The following CLDN14 variants were observed in gnomAD, a reference collection of about 807,000 sequenced individuals.
CLDN14 encodes the protein claudin 14, also known as claudin-14.
A neutral mutation model predicts 2.1 loss-of-function variants in CLDN14; 2 were observed. That is an observed-to-expected ratio of 0.96 (90% CI 0.39 to 3.01). The LOEUF (loss-of-function observed/expected upper bound fraction) is 3.01. Ranked by LOEUF, CLDN14 falls within the 30% of genes most tolerant of loss-of-function variation. The pLI is 0.09. For missense variants in CLDN14, 298 were observed against 328.0 expected (o/e 0.91, Z 0.71); for synonymous variants, 136 against 154.4 (o/e 0.88, Z 0.88).
At chr21:36,486,525 C>G in intron 2 of CLDN14, 1 of 1,564,670 alleles carries the variant, frequency 6.4e-7, no homozygotes, top group Non-Finnish European at 8.8e-7. Context: ...ATGGCACCCC[C>G]TTCCCCAGCC....
At chr21:36,484,391 G>A (rs927322383), upstream of CLDN14, among the ~76,000 whole-genome samples, 4 of 152,110 alleles carry the variant, frequency 2.6e-5, no homozygotes, top group Non-Finnish European at 5.9e-5. Context: ...TGGTGTTTTG[G>A]TGCTGCTGTA....
intron 1 of CLDN14, among the ~76,000 whole-genome samples, chr21:36,476,971 C>T (rs1005379715): frequency 5.9e-5 from 9 of 152,224 alleles, no homozygotes; most frequent in African/African-American, 1.9e-4. Flanking sequence ...TGTGGCTTAG[C>T]CTTTAGACAT....
In CLDN14 at chr21:36,461,135, G is replaced by A. The variant is rs771486433; in HGVS notation, c.561C>T (p.Asp187=). The A allele has an allele frequency of 8.1e-6, 13 of 1,613,852 alleles. No individual in the cohort carries two copies. The highest frequency in any genetic ancestry group is 1.6e-4 in the Middle Eastern group (1 of 6,082). The part of the protein sequence containing the change: ...GGTLLCLSCQ[D]EAPYRPYQAP... Reference sequence around the variant, plus strand: ...CCTGGTAGGGCCTGTAGGGTGCCTCGTCCTGGCAGGACAGGCAAAGCAGGG... The same window carrying A: ...CCTGGTAGGGCCTGTAGGGTGCCTCATCCTGGCAGGACAGGCAAAGCAGGG... Residue 187 remains aspartate (D), a synonymous_variant, in exon 2 of 2, where the codon GAC becomes GAT. Transcript: ENST00000399135.
At chr21:36,462,464 G>A (rs940045350) in intron 1 of CLDN14, among the ~76,000 whole-genome samples, 4 of 152,158 alleles carry the variant, frequency 2.6e-5, no homozygotes, top group Admixed American at 1.3e-4. Flanking sequence ...GCTTGTGACT[G>A]GTGAGGGCTG....
chr21:36,488,220 C>T (rs116421037), intron 2 of CLDN14, among the ~76,000 whole-genome samples: 79 of 97,296 alleles, frequency 8.1e-4, no homozygotes, highest in African/African-American at 3.0e-3. Context: ...ACTGTGATTC[C>T]CCTTCCTTCC....
intron 1 of CLDN14, among the ~76,000 whole-genome samples, chr21:36,568,146 C>G (rs2087685936): frequency 6.6e-6 from 1 of 152,092 alleles, no homozygotes. Context: ...GCCAGCTTGA[C>G]CAGGCAGAAA....
intron 1 of CLDN14, among the ~76,000 whole-genome samples, chr21:36,474,675 G>A (rs1484345456): frequency 6.6e-6 from 1 of 152,140 alleles, no homozygotes; most frequent in Admixed American, 6.5e-5. Flanking sequence ...CTCTGCCAGT[G>A]GGATGTGTAG....
At chr21:36,532,147 C>T (rs2146502273) in intron 1 of CLDN14, 1 of 152,284 alleles carries the variant, frequency 6.6e-6, no homozygotes, top group Non-Finnish European at 1.5e-5. Flanking sequence ...CCGAGTGTGG[C>T]ATGCTAGCAG....
At chr21:36,466,007 C>T (rs990873421) in intron 1 of CLDN14, among the ~76,000 whole-genome samples, 14 of 152,112 alleles carry the variant, frequency 9.2e-5, no homozygotes, top group Non-Finnish European at 1.9e-4. Context: ...AGTTTCCCAA[C>T]GACAGCATCT....
chr21:36,547,312 T>A (rs62230972), intron 1 of CLDN14, among the ~76,000 whole-genome samples: 21,467 of 152,216 alleles, frequency 0.14, 1,785 homozygotes, highest in Non-Finnish European at 0.19. Context: ...TCCCCATTTG[T>A]GTCTTTTATA....
intron 1 of CLDN14, among the ~76,000 whole-genome samples, chr21:36,511,221 G>GT: frequency 6.6e-6 from 1 of 152,164 alleles, no homozygotes; most frequent in Non-Finnish European, 1.5e-5. Flanking sequence ...AAATGTTTGT[G>GT]TTTTTTTCTA....
rs143817787 is a variant in CLDN14, at chr21:36,486,155, T to C, written c.-82+24208A>G. ...CATCACGTCGTAATCATCCTCCTCC[T>C]TGGCTGGCTGGCAAGTGTCCATGGC... On this transcript the variant is annotated intron_variant, in intron 2 of 2. Transcript: ENST00000342108. 2,012 of 1,261,236 alleles carry C rather than the reference T, an allele frequency of 1.6e-3. 3 individuals are homozygous for C. The highest frequency in any genetic ancestry group is 2.0e-3 in the Non-Finnish European group (1,690 of 860,474). The allele number at this position is 1,261,236 out of a possible 1,614,324, so 78.1% of individuals were successfully genotyped here.
intron 1 of CLDN14, among the ~76,000 whole-genome samples, chr21:36,527,052 A>G (rs958875477): frequency 2.0e-5 from 3 of 152,214 alleles, no homozygotes; most frequent in Admixed American, 6.5e-5. Flanking sequence ...CCCAAATAAG[A>G]AGAAAGCAAA....
chr21:36,493,153 C>T (rs897671460), intron 2 of CLDN14, among the ~76,000 whole-genome samples: 28 of 152,114 alleles, frequency 1.8e-4, no homozygotes, highest in Non-Finnish European at 2.9e-5. Context: ...GAGGTCGAGC[C>T]TCCTGGACTC....
chr21:36,537,807 G>A (rs1601628911), intron 1 of CLDN14, among the ~76,000 whole-genome samples: 1 of 151,928 alleles, frequency 6.6e-6, no homozygotes. Context: ...GTGCCTCCAC[G>A]CCTGACTAAT....
rs149733854 is a variant in CLDN14, at chr21:36,461,006, G to A, written c.690C>T (p.His230=). Residue 230 remains histidine, a synonymous_variant, in exon 2 of 2, where the codon CAC becomes CAT. Transcript: ENST00000399135. ...NRAPSVTSAT[H]SGYRLNDYV ...CGTAGTCGTTCAGCCTGTACCCGCT[G>A]TGCGTGGCCGAGGTCACTGAGGGGG... 867 of 1,613,256 alleles carry A rather than the reference G, an allele frequency of 5.4e-4. No homozygotes were observed. The highest frequency in any genetic ancestry group is 5.0e-3 in the Middle Eastern group (27 of 5,354).
At chr21:36,514,598 A>T (rs1014942032) in intron 1 of CLDN14, among the ~76,000 whole-genome samples, 6 of 149,036 alleles carry the variant, frequency 4.0e-5, no homozygotes, top group Non-Finnish European at 8.9e-5. Flanking sequence ...AGAGAAGGGG[A>T]AATAAAGTCT....
intron 1 of CLDN14, among the ~76,000 whole-genome samples, chr21:36,568,764 C>T (rs1601640430): frequency 6.6e-6 from 1 of 152,202 alleles, no homozygotes; most frequent in East Asian, 1.9e-4. Context: ...TCTACACCCT[C>T]TTTCCTCTTC....
chr21:36,461,261 C>A lies in CLDN14; in HGVS notation c.435G>T (p.Gln145His). 6.2e-7 allele frequency: 1 copy of A among 1,613,956 alleles called. No homozygotes were observed. The change falls in exon 2 of 2, where the codon CAG becomes CAT. Residue 145 changes from glutamine (Q) to histidine (H), a missense_variant. Gln to His is a conservative substitution (Grantham distance 24, BLOSUM62 0). Coordinates refer to ENST00000399135, the MANE Select transcript of CLDN14 (RefSeq NM_001146079.2). ...TGGGCAGCAGCGGGTTGTAGAAGTT[C>A]TGCACCACGTCGTTGGTGGTCCAGG... The part of the protein sequence containing the change: ...AVSWTTNDVV[Q>H]NFYNPLLPSG...
Sources: gnomAD v4.1 joint callset for allele counts (sites outside exome capture counted in the v4.1 genomes callset) on GRCh38, gnomAD v4.1.1 for gene constraint, MANE v1.5 for transcripts, NCBI Gene and HGNC (gene_info 2026-07-23, HGNC 2026-07-21) for gene names.